The following GRM7 variants were observed in gnomAD, a reference collection of about 807,000 sequenced individuals.
GRM7 encodes the protein glutamate metabotropic receptor 7.
A neutral mutation model predicts 84.5 loss-of-function variants in GRM7; 35 were observed. That is an observed-to-expected ratio of 0.41 (90% CI 0.32 to 0.55). The LOEUF is 0.55. Among genes scored for constraint, GRM7 ranks in the 20% least tolerant of loss-of-function variants. The probability of loss-of-function intolerance (pLI) is 0.19; values close to 1 mark genes in which losing one functional copy is unlikely to be tolerated. For missense variants in GRM7, 1,003 were observed against 1,194.6 expected, an observed-to-expected ratio of 0.84 and a Z score of 2.36; for synonymous variants, 487 against 455.1, an observed-to-expected ratio of 1.07 and a Z score of -0.89.
intron 9 of GRM7, among the ~76,000 whole-genome samples, chr3:7,702,404 A>T (rs746151389): frequency 2.6e-5 from 4 of 152,182 alleles, no homozygotes; most frequent in Non-Finnish European, 4.4e-5. Context: ...AATTTTGACT[A>T]TGTACAACCT....
chr3:7,442,155 C>CT (rs1273556598), intron 5 of GRM7, among the ~76,000 whole-genome samples: 1 of 152,020 alleles, frequency 6.6e-6, no homozygotes, highest in African/African-American at 2.4e-5. Context: ...TCTCTTATTT[C>CT]TTTCAGCAGT....
chr3:6,916,433 T>A (rs990702527), intron 1 of GRM7, among the ~76,000 whole-genome samples: 3 of 152,130 alleles, frequency 2.0e-5, no homozygotes, highest in African/African-American at 7.2e-5. Flanking sequence ...AGTGGCAGTA[T>A]AGGGGGAGTC....
intron 1 of GRM7, among the ~76,000 whole-genome samples, chr3:7,051,419 T>C (rs1286557264): frequency 6.6e-5 from 10 of 151,768 alleles, no homozygotes; most frequent in Non-Finnish European, 1.5e-5. Flanking sequence ...AAAAAAGTTG[T>C]GAAACTGAAT....
intron 8 of GRM7, among the ~76,000 whole-genome samples, chr3:7,665,660 C>A (rs1368569768): frequency 7.7e-6 from 1 of 129,242 alleles, no homozygotes; most frequent in African/African-American, 3.2e-5. Flanking sequence ...TTACAATCTA[C>A]TCTTTCATTA....
At chr3:7,385,985 G>A (rs932568883) in intron 4 of GRM7, among the ~76,000 whole-genome samples, 4 of 152,178 alleles carry the variant, frequency 2.6e-5, no homozygotes, top group African/African-American at 9.7e-5. Flanking sequence ...CGTGCATACA[G>A]TCTGATTGCA....
At chr3:7,559,828 G>T (rs974568341) in intron 7 of GRM7, among the ~76,000 whole-genome samples, 2 of 152,050 alleles carry the variant, frequency 1.3e-5, no homozygotes, top group African/African-American at 2.4e-5. Context: ...CAACATCAAA[G>T]TGCCATCAGT....
At chr3:7,164,092 C>T (rs565277559) in intron 2 of GRM7, among the ~76,000 whole-genome samples, 1 of 152,290 alleles carries the variant, frequency 6.6e-6, no homozygotes, top group South Asian at 2.1e-4. Context: ...CATGCAGTGG[C>T]TCACACCTGT....
chr3:7,208,703 T>C (rs919788055), intron 2 of GRM7, among the ~76,000 whole-genome samples: 1 of 152,170 alleles, frequency 6.6e-6, no homozygotes, highest in Non-Finnish European at 1.5e-5. Context: ...CATCTGATTG[T>C]AGTTCCATAA....
intron 1 of GRM7, among the ~76,000 whole-genome samples, chr3:7,037,926 T>A (rs905476284): frequency 6.6e-6 from 1 of 152,200 alleles, no homozygotes; most frequent in Non-Finnish European, 1.5e-5. Flanking sequence ...AAATGTATTC[T>A]AAACATAAAG....
chr3:7,619,879 G>A (rs907518748), intron 8 of GRM7, among the ~76,000 whole-genome samples: 4 of 152,062 alleles, frequency 2.6e-5, no homozygotes, highest in East Asian at 3.9e-4. Context: ...GCCTTAATTC[G>A]GCATGATGAC....
At chr3:7,687,533 C>G (rs1324974973) in intron 9 of GRM7, among the ~76,000 whole-genome samples, 1 of 152,106 alleles carries the variant, frequency 6.6e-6, no homozygotes, top group African/African-American at 2.4e-5. Flanking sequence ...AAAATGTTCT[C>G]TTTTGATTTT....
chr3:7,086,498 G>A (rs972035306), intron 1 of GRM7, among the ~76,000 whole-genome samples: 2 of 152,084 alleles, frequency 1.3e-5, no homozygotes, highest in African/African-American at 4.8e-5. Context: ...AGGCAAAAGT[G>A]AAGAATGTAT....
At chr3:7,076,141 A>G (rs1698069138) in intron 1 of GRM7, among the ~76,000 whole-genome samples, 2 of 152,128 alleles carry the variant, frequency 1.3e-5, no homozygotes, top group South Asian at 4.1e-4. Context: ...TCCTCATTCG[A>G]TATTTACTGG....
chr3:6,968,100 T>C (rs1031493889), intron 1 of GRM7, among the ~76,000 whole-genome samples: 1 of 152,218 alleles, frequency 6.6e-6, no homozygotes, highest in African/African-American at 2.4e-5. Context: ...TACAAATATC[T>C]GGAGGCCAGA....
At chr3:7,279,274 C>T (rs539336645) in intron 2 of GRM7, among the ~76,000 whole-genome samples, 1 of 152,158 alleles carries the variant, frequency 6.6e-6, no homozygotes, top group Admixed American at 6.6e-5. Context: ...TGCATTTCAA[C>T]GTGGTGGGGG....
At chr3:7,630,428 G>A (rs975738886) in intron 8 of GRM7, among the ~76,000 whole-genome samples, 1 of 152,162 alleles carries the variant, frequency 6.6e-6, no homozygotes, top group Non-Finnish European at 1.5e-5. Flanking sequence ...AGGTGTCAGT[G>A]GTGACCTGTA....
chr3:7,702,882 C>A (rs1239382344), intron 9 of GRM7, among the ~76,000 whole-genome samples: 1 of 151,922 alleles, frequency 6.6e-6, no homozygotes, highest in African/African-American at 2.4e-5. Context: ...CACTGAAATA[C>A]AGAGGAGATA....
At chr3:7,402,790 T>C (rs1422597305) in intron 4 of GRM7, among the ~76,000 whole-genome samples, 1 of 146,136 alleles carries the variant, frequency 6.8e-6, no homozygotes. Context: ...ATTATTTTCT[T>C]TGAGTGTTGT....
At chr3:7,648,629 A>G (rs1262352803) in intron 8 of GRM7, among the ~76,000 whole-genome samples, 1 of 151,212 alleles carries the variant, frequency 6.6e-6, no homozygotes, top group East Asian at 1.9e-4. Context: ...AGCTTGGGTG[A>G]CAGAGTGATA....
Sources: allele counts gnomAD v4.1 joint callset (sites outside exome capture counted in the v4.1 genomes callset), GRCh38; gene constraint gnomAD v4.1.1; transcripts MANE v1.5; gene names NCBI Gene and HGNC (gene_info 2026-07-23, HGNC 2026-07-21).